Variants in PIGA observed in about 807,000 individuals in gnomAD.
PIGA encodes the protein phosphatidylinositol N-acetylglucosaminyltransferase subunit A.
A neutral mutation model predicts 17.1 loss-of-function variants in PIGA; 3 were observed. That is an observed-to-expected ratio of 0.18 (90% CI 0.08 to 0.45). The LOEUF is 0.45. Ranked by LOEUF, PIGA falls within the 20% of genes least tolerant of loss-of-function variation. The probability of loss-of-function intolerance (pLI) is 0.99; values close to 1 mark genes in which losing one functional copy is unlikely to be tolerated. For synonymous variants in PIGA, 126 were observed against 135.1 expected (o/e 0.93, Z 0.47); for missense variants, 231 against 374.1 (o/e 0.62, Z 3.16).
intron 1 of PIGA, 25 bp downstream of exon 1, chrX:15,335,475 AG>A: frequency 1.0e-6 from 1 of 989,204 alleles, no homozygotes; most frequent in Non-Finnish European, 1.3e-6. Context: ...AGAGCGCTGG[AG>A]AGGGGCGGCG....
intron 5 of PIGA, 143 bp downstream of exon 5, chrX:15,324,522 T>A: frequency 2.0e-6 from 1 of 505,674 alleles, no homozygotes; most frequent in South Asian, 3.1e-5. Context: ...TGTACCAAAA[T>A]CTGTTTCTTT....
intron 2 of PIGA, chrX:15,326,317 C>CT (rs1228598230): frequency 6.2e-6 from 1 of 161,226 alleles, no homozygotes; most frequent in Non-Finnish European, 1.2e-5. Flanking sequence ...ACAGACTATT[C>CT]TTTAAGTTAT....
rs7050041 is a variant in PIGA at position 15,324,612 on chromosome X, G to A, written c.1188+53C>T. 6,881 of 918,533 alleles carry A rather than the reference G, an allele frequency of 7.5e-3. 166 individuals carry two copies. In the African/African-American group the frequency reaches 0.088, roughly 12 times the overall value. The allele number at this position is 918,533 out of a possible 1,213,427, so 75.7% of individuals were successfully genotyped here. ...TATGTAAGAAAAAGCAAATGTGTAC[G>A]TGAAACATCAAGTAAGAGTTCAGAC... On this transcript the variant is annotated intron_variant, in intron 5 of 5. Transcript: ENST00000333590.
At chrX:15,328,342 A>G (rs974139772) in intron 2 of PIGA, 9 of 112,524 alleles carry the variant, frequency 8.0e-5, no homozygotes, top group Middle Eastern at 9.1e-3. Context: ...GGTTGTCATT[A>G]CCACTACAGA....
At position 15,331,622 on chromosome X, in the gene PIGA, G is replaced by A; in HGVS notation, c.309C>T (p.Ala103=). 8.3e-7 allele frequency: 1 copy of A among 1,211,823 alleles called. No homozygotes were observed. The highest frequency in any genetic ancestry group is 1.1e-6 in the Non-Finnish European group (1 of 895,364). The change falls in exon 2 of 6, where the codon GCC becomes GCT. Residue 103 remains alanine, a synonymous_variant. Transcript: ENST00000333590. ...ATGGCAGACTGTGAAAGAGGGTCGT[G>A]GCTGTAGACTGGTTGTACATGACTT... ...PLKVMYNQST[A]TTLFHSLPLL...
chrX:15,326,649 C>T (rs144543734), intron 2 of PIGA, among the ~76,000 whole-genome samples: 67 of 112,018 alleles, frequency 6.0e-4, no homozygotes, highest in African/African-American at 2.0e-3. Context: ...TTGCAGTGAA[C>T]ACTACATTAT....
In PIGA at chrX:15,321,503, C is replaced by G. The variant is rs1921810943; in HGVS notation, c.*3G>C. 1.6e-5 allele frequency: 19 copies of G among 1,196,877 alleles called. No homozygotes were observed. Among genetic ancestry groups the G allele is most frequent in the Non-Finnish European group, 2.2e-5 (19 of 882,298 alleles). ...TTTAAAATCTTACAATCTAGGCTTC[C>G]TTCTACCTGGTTTCAGATATCTCAT... On this transcript the variant is annotated 3_prime_UTR_variant, in exon 6 of 6. Transcript: ENST00000333590.
chrX:15,327,830 T>C lies in PIGA; in HGVS notation c.716-1784A>G, dbSNP rs191256206. Reference sequence around the variant, plus strand: ...AGAGTGCTTGCTATGACAGGCAATATACTTTAAATTCATTATGTCATTTAA... The same window carrying C: ...AGAGTGCTTGCTATGACAGGCAATACACTTTAAATTCATTATGTCATTTAA... On this transcript the variant is annotated intron_variant, in intron 2 of 5. Transcript: ENST00000333590. The C allele has an allele frequency of 2.7e-5, 3 of 111,988 alleles. No homozygotes were observed. The East Asian group carries it at 8.4e-4, about 31-fold the overall frequency. The allele number at this position is 111,988 out of a possible 1,213,427, so 9.2% of individuals were successfully genotyped here.
chrX:15,326,028 C>G lies in PIGA; in HGVS notation c.734G>C (p.Gly245Ala). The G allele has an allele frequency of 8.7e-7, 1 of 1,143,827 alleles. No individual in the cohort carries two copies. The highest frequency in any genetic ancestry group is 1.2e-6 in the Non-Finnish European group (1 of 844,371). 94.3% of individuals were successfully genotyped at this position (1,143,827 alleles called of 1,213,427 possible). ...TTTCTGACAGAGTTCAGGTATTATA[C>G]CACTAAGCAAATCGATCCCTGAAAA... ...VYRKGIDLLS[G>A]IIPELCQKYP... Residue 245 changes from glycine to alanine, a missense_variant, in exon 3 of 6, where the codon GGT (glycine) becomes GCT (alanine). Physicochemically the swap from Gly to Ala is moderately conservative, Grantham distance 60 (BLOSUM62 0). Coordinates refer to ENST00000333590, the MANE Select transcript of PIGA (RefSeq NM_002641.4).
intron 2 of PIGA, chrX:15,329,058 A>G (rs1356850289): frequency 8.9e-6 from 1 of 112,009 alleles, no homozygotes; most frequent in Non-Finnish European, 1.9e-5. Flanking sequence ...CTCCACTTAA[A>G]TGGACTGCTG....
At chrX:15,324,995 C>A in intron 4 of PIGA, 25 bp downstream of exon 4, 6 of 1,184,219 alleles carry the variant, frequency 5.1e-6, no homozygotes, top group Non-Finnish European at 6.8e-6. Context: ...AAATCCCAAC[C>A]ATGAATGCCC....
intron 1 of PIGA, among the ~76,000 whole-genome samples, chrX:15,334,763 C>T (rs1393932998): frequency 8.9e-6 from 1 of 111,802 alleles, no homozygotes; most frequent in African/African-American, 3.3e-5. Flanking sequence ...AGGAGTCTGC[C>T]CACTTCCGCC....
intron 1 of PIGA, among the ~76,000 whole-genome samples, chrX:15,333,751 C>T (rs935935443): frequency 2.7e-5 from 3 of 112,297 alleles, no homozygotes; most frequent in African/African-American, 6.5e-5. Flanking sequence ...TGTAACTGCT[C>T]CCTTCACTTT....
intron 5 of PIGA, among the ~76,000 whole-genome samples, chrX:15,322,336 T>C (rs1921842430): frequency 8.9e-6 from 1 of 111,810 alleles, no homozygotes; most frequent in Non-Finnish European, 1.9e-5. Context: ...TGAGCATGGA[T>C]GGTGAGGACA....
intron 1 of PIGA, among the ~76,000 whole-genome samples, chrX:15,332,309 T>C: frequency 8.9e-6 from 1 of 112,224 alleles, no homozygotes; most frequent in Non-Finnish European, 1.9e-5. Context: ...TAAGTATATA[T>C]ACACACATAC....
At chrX:15,333,286 C>T (rs944553189) in intron 1 of PIGA, among the ~76,000 whole-genome samples, 1 of 112,643 alleles carries the variant, frequency 8.9e-6, no homozygotes, top group Admixed American at 9.4e-5. Context: ...GTGGTTTACA[C>T]TAAAACACAC....
In PIGA at chrX:15,321,778, G is replaced by A; in HGVS notation, c.1189-6C>T. 8.3e-7 allele frequency: 1 copy of A among 1,205,602 alleles called. No homozygotes were observed. The highest frequency in any genetic ancestry group is 1.1e-6 in the Non-Finnish European group (1 of 890,390). Reference sequence around the variant, plus strand: ...ACTGATACCCGGTCATATACCTGGAGGGAGAGAAGCCAAGTGTGAGCACTT... The same window carrying A: ...ACTGATACCCGGTCATATACCTGGAAGGAGAGAAGCCAAGTGTGAGCACTT... On this transcript the variant is annotated splice_region_variant and splice_polypyrimidine_tract_variant and intron_variant, in intron 5 of 5. Transcript: ENST00000333590.
intron 5 of PIGA, among the ~76,000 whole-genome samples, chrX:15,323,473 G>C (rs1459923635): frequency 9.0e-6 from 1 of 110,988 alleles, no homozygotes; most frequent in Non-Finnish European, 1.9e-5. Flanking sequence ...AAGGCTGCCC[G>C]GGGACTCTGA....
intron 1 of PIGA, among the ~76,000 whole-genome samples, chrX:15,333,402 C>T (rs780199481): frequency 5.4e-5 from 6 of 112,126 alleles, no homozygotes; most frequent in South Asian, 3.7e-4. Context: ...TTATTTAGGC[C>T]GGGTGCGGTG....
Sources: allele counts gnomAD v4.1 joint callset (sites outside exome capture counted in the v4.1 genomes callset), GRCh38; gene constraint gnomAD v4.1.1; transcripts MANE v1.5; gene names NCBI Gene and HGNC (gene_info 2026-07-23, HGNC 2026-07-21).